MPHOSPH8: variants seen among roughly 807,000 people sequenced by gnomAD.
The protein encoded by MPHOSPH8 is M-phase phosphoprotein, mpp.
Under a neutral mutation model 87.3 loss-of-function variants are expected in MPHOSPH8, and 45 were observed. The observed-to-expected ratio is 0.52, with a 90% CI of 0.41 to 0.66. The LOEUF (loss-of-function observed/expected upper bound fraction) is 0.66. Among genes scored for constraint, MPHOSPH8 ranks in the 30% least tolerant of loss-of-function variants. The pLI, the probability that MPHOSPH8 is intolerant of heterozygous loss-of-function variation, is 0.00. For synonymous variants in MPHOSPH8, 366 were observed against 376.9 expected (o/e 0.97, Z 0.33); for missense variants, 883 against 1,020.2 (o/e 0.87, Z 1.83).
In MPHOSPH8 at chr13:19,659,203, G is replaced by T. The variant is rs1308969732; in HGVS notation, c.1705G>T (p.Val569Leu). ...ACTTATTTTTTCTTTCATTTTAGATGTGTTAAGGGATGCTGTGAAAAATGG... is the reference window on the plus strand; with the variant it reads ...ACTTATTTTTTCTTTCATTTTAGATTTGTTAAGGGATGCTGTGAAAAATGG... Reference protein sequence around the residue: ...FAATDAIPSNVLRDAVKNGDY... With the variant: ...FAATDAIPSNLLRDAVKNGDY... The change falls in exon 7 of 14, where the codon GTG (valine) becomes TTG (leucine). Residue 569 changes from valine to leucine, a missense_variant and splice_region_variant. Val to Leu is a conservative substitution (Grantham distance 32). This residue lies in a region of MPHOSPH8 where 741 missense variants were observed against 841.5 expected (regional missense o/e 0.88). Transcript: ENST00000361479. The T allele has an allele frequency of 3.0e-5, 49 of 1,611,556 alleles. No homozygotes were observed. Among genetic ancestry groups the T allele is most frequent in the Non-Finnish European group, 4.2e-5 (49 of 1,179,036 alleles).
intron 10 of MPHOSPH8, among the ~76,000 whole-genome samples, chr13:19,667,502 CTG>C (rs1449338999): frequency 2.6e-5 from 4 of 152,164 alleles, no homozygotes; most frequent in Non-Finnish European, 4.4e-5. Flanking sequence ...CTTAAAAAGC[CTG>C]TGTTTTCCAC....
At chr13:19,654,320 G>A (rs1331780551) in intron 5 of MPHOSPH8, among the ~76,000 whole-genome samples, 2 of 152,116 alleles carry the variant, frequency 1.3e-5, no homozygotes, top group Non-Finnish European at 2.9e-5. Flanking sequence ...ACACACCAGG[G>A]CCTGTCAGGG....
chr13:19,648,712 ATG>A (rs1293750267), intron 4 of MPHOSPH8, among the ~76,000 whole-genome samples, 191 bp downstream of exon 4: 1 of 152,068 alleles, frequency 6.6e-6, no homozygotes, highest in Non-Finnish European at 1.5e-5. Context: ...AGAAAAATAA[ATG>A]TGTTTTTATA....
rs185607311 is a variant in MPHOSPH8 at position 19,665,453 on chromosome 13, C to G, written c.2020-972C>G. Among the ~76,000 whole-genome samples, 34 of 152,320 alleles carry G rather than the reference C, an allele frequency of 2.2e-4. 1 individual carries two copies. The highest frequency in any genetic ancestry group is 2.2e-3 in the Admixed American group (34 of 15,300). On this transcript the variant is annotated intron_variant, in intron 9 of 13. Coordinates refer to ENST00000361479, the MANE Select transcript of MPHOSPH8 (RefSeq NM_017520.4). ...GGCTCTGTTGGTCCCAGAAGGGCCT[C>G]TCACCCTCCCCGTGGCTGTAATGTG...
At chr13:19,634,443 A>C (rs1336457622) in intron 1 of MPHOSPH8, among the ~76,000 whole-genome samples, 1 of 152,170 alleles carries the variant, frequency 6.6e-6, no homozygotes, top group Non-Finnish European at 1.5e-5. Flanking sequence ...AAAGGCCTTC[A>C]TAACCTGATC....
intron 5 of MPHOSPH8, among the ~76,000 whole-genome samples, chr13:19,658,062 T>C (rs545864954): frequency 1.3e-5 from 2 of 152,354 alleles, no homozygotes; most frequent in Admixed American, 1.3e-4. Context: ...ACTATTACCA[T>C]TGCTGATAGA....
chr13:19,664,458 G>A (rs1875709582), intron 9 of MPHOSPH8, among the ~76,000 whole-genome samples: 1 of 152,196 alleles, frequency 6.6e-6, no homozygotes. Context: ...CGTCCTGAGG[G>A]CACTGGGGAG....
intron 5 of MPHOSPH8, among the ~76,000 whole-genome samples, chr13:19,654,544 C>T (rs930362497): frequency 4.5e-4 from 69 of 152,290 alleles, no homozygotes; most frequent in African/African-American, 1.6e-3. Flanking sequence ...GTTTCTCAAA[C>T]CAAAGGCTAC....
intron 5 of MPHOSPH8, among the ~76,000 whole-genome samples, chr13:19,657,234 G>A (rs4769850): frequency 0.54 from 81,176 of 151,096 alleles, 25,993 homozygotes; most frequent in East Asian, 0.82. Context: ...CAGTTTTAGG[G>A]TCCAGGCACG....
rs749003341 is a variant in MPHOSPH8 at position 19,650,087 on chromosome 13, G to C, written c.1403G>C (p.Arg468Thr). The stretch of plus-strand genomic sequence containing the variant: ...GATGTTTCTGAGAATAATCGGAAAA[G>C]GGAAGAAATACCACTGGATTTTAAA... Reference protein sequence around the residue: ...KNDVSENNRKREEIPLDFKTI... With the variant: ...KNDVSENNRKTEEIPLDFKTI... Residue 468 changes from arginine (R) to threonine (T), a missense_variant, in exon 5 of 14, where the codon AGG becomes ACG. Physicochemically the swap from Arg to Thr is moderately conservative, Grantham distance 71. Coordinates refer to ENST00000361479, the MANE Select transcript of MPHOSPH8 (RefSeq NM_017520.4). 1.9e-6 allele frequency: 3 copies of C among 1,613,424 alleles called. No homozygotes were observed. Among genetic ancestry groups the C allele is most frequent in the Non-Finnish European group, 2.5e-6 (3 of 1,179,694 alleles).
intron 7 of MPHOSPH8, chr13:19,659,743 C>A: frequency 2.8e-6 from 1 of 361,866 alleles, no homozygotes; most frequent in Non-Finnish European, 5.4e-6. Context: ...ATTATAGTCC[C>A]TTTAATTCCA....
chr13:19,667,168 C>T (rs1046789226), intron 10 of MPHOSPH8, among the ~76,000 whole-genome samples: 7 of 151,946 alleles, frequency 4.6e-5, no homozygotes, highest in African/African-American at 1.7e-4. Flanking sequence ...TTTCCGCCCC[C>T]CACCACCAAA....
At chr13:19,663,903 A>G (rs1212211148) in intron 9 of MPHOSPH8, among the ~76,000 whole-genome samples, 1 of 152,152 alleles carries the variant, frequency 6.6e-6, no homozygotes, top group Non-Finnish European at 1.5e-5. Context: ...GAGCACAGCC[A>G]GGCCCTGGGT....
chr13:19,654,059 A>G (rs1333470733), intron 5 of MPHOSPH8, among the ~76,000 whole-genome samples: 2 of 152,216 alleles, frequency 1.3e-5, no homozygotes, highest in Non-Finnish European at 2.9e-5. Flanking sequence ...TACAGAGAGC[A>G]GCATTAAGAT....
chr13:19,654,089 C>T (rs543789579), intron 5 of MPHOSPH8, among the ~76,000 whole-genome samples: 1 of 152,188 alleles, frequency 6.6e-6, no homozygotes, highest in African/African-American at 2.4e-5. Context: ...GAAGAGCATC[C>T]CCAAGACGTA....
intron 7 of MPHOSPH8, among the ~76,000 whole-genome samples, chr13:19,660,663 G>A (rs940598541): frequency 2.0e-5 from 3 of 151,980 alleles, no homozygotes; most frequent in East Asian, 1.9e-4. Context: ...TCATATAGAC[G>A]TTGCACATTT....
intron 5 of MPHOSPH8, 39 bp from the exon 6 acceptor site, chr13:19,658,956 C>T (rs1372187687): frequency 6.3e-7 from 1 of 1,590,626 alleles, no homozygotes; most frequent in Non-Finnish European, 8.5e-7. Context: ...TTTTATACTT[C>T]AGACAAATGT....
In MPHOSPH8 at chr13:19,659,737, T is replaced by C. The variant is rs867699430; in HGVS notation, c.1791+448T>C. ...GTAGAACCCTATAAATGTACAATTA[T>C]AGTCCCTTTAATTCCAACCCCCTCC... On this transcript the variant is annotated intron_variant, in intron 7 of 13. Coordinates refer to ENST00000361479, the MANE Select transcript of MPHOSPH8 (RefSeq NM_017520.4). 1.8e-5 allele frequency: 7 copies of C among 382,152 alleles called. No individual in the cohort carries two copies. In the Middle Eastern group the frequency reaches 1.5e-3, roughly 83 times the overall value. 23.7% of individuals were successfully genotyped at this position (382,152 alleles called of 1,614,324 possible).
At chr13:19,652,845 G>T (rs746931150) in intron 5 of MPHOSPH8, among the ~76,000 whole-genome samples, 2 of 151,914 alleles carry the variant, frequency 1.3e-5, no homozygotes, top group Non-Finnish European at 2.9e-5. Context: ...GCGCACCGTA[G>T]CTCAGCAAGG....
Sources: gnomAD v4.1 joint callset for allele counts (sites outside exome capture counted in the v4.1 genomes callset) on GRCh38, gnomAD v4.1.1 for gene constraint, gnomAD v4.1.1 regional missense constraint, MANE v1.5 for transcripts, NCBI Gene and HGNC (gene_info 2026-07-23, HGNC 2026-07-21) for gene names.